The following RGS22 variants were observed in gnomAD, a reference collection of about 807,000 sequenced individuals.
RGS22 encodes the protein regulator of G-protein signaling 22.
RGS22 carries 148 observed loss-of-function variants against 172.9 expected under a neutral mutation model. The observed-to-expected ratio is 0.86, with a 90% CI of 0.75 to 0.98. RGS22 has a LOEUF of 0.98. RGS22 is among the 50% of genes least tolerant of loss of function. The pLI, the probability that RGS22 is intolerant of heterozygous loss-of-function variation, is 0.00. For missense variants in RGS22, 1,347 were observed against 1,440.8 expected (o/e 0.93, Z 1.05); for synonymous variants, 458 against 480.2 (o/e 0.95, Z 0.60).
chr8:100,022,718 CA>C (rs1037078631), intron 14 of RGS22, among the ~76,000 whole-genome samples: 11 of 151,716 alleles, frequency 7.3e-5, no homozygotes, highest in African/African-American at 2.4e-4. Context: ...AATCAGTGAA[CA>C]AAAAAATTCA....
At chr8:100,027,687 T>C (rs909385001) in intron 14 of RGS22, among the ~76,000 whole-genome samples, 1 of 152,272 alleles carries the variant, frequency 6.6e-6, no homozygotes, top group East Asian at 1.9e-4. Context: ...TTCGCCATGT[T>C]AGCCAGGCTG....
At chr8:100,074,498 A>G (rs1433782441) in intron 4 of RGS22, among the ~76,000 whole-genome samples, 1 of 152,248 alleles carries the variant, frequency 6.6e-6, no homozygotes, top group Non-Finnish European at 1.5e-5. Flanking sequence ...CCAGAATGTC[A>G]TATAAATGGA....
chr8:100,022,889 G>A (rs1052045987), intron 14 of RGS22, among the ~76,000 whole-genome samples: 3 of 152,034 alleles, frequency 2.0e-5, no homozygotes, highest in Non-Finnish European at 4.4e-5. Flanking sequence ...CACCAAACCA[G>A]GCTAATTTTT....
intron 23 of RGS22, among the ~76,000 whole-genome samples, chr8:99,970,829 A>G (rs1282757139): frequency 6.6e-6 from 1 of 152,226 alleles, no homozygotes; most frequent in Non-Finnish European, 1.5e-5. Context: ...ATTCCTTCTG[A>G]AACTATTCCA....
At chr8:100,092,220 C>T (rs1812637109) in intron 3 of RGS22, among the ~76,000 whole-genome samples, 1 of 151,934 alleles carries the variant, frequency 6.6e-6, no homozygotes, top group South Asian at 2.1e-4. Context: ...TCAAATTTTC[C>T]CTGGAAAACA....
intron 3 of RGS22, among the ~76,000 whole-genome samples, chr8:100,081,024 T>C (rs1460931): frequency 0.61 from 92,319 of 151,898 alleles, 28,205 homozygotes; most frequent in Admixed American, 0.66. Flanking sequence ...CACTGAACAT[T>C]TTTGGGGCCT....
At position 100,056,458 on chromosome 8, in the gene RGS22, C is replaced by T. The variant is rs150599351; in HGVS notation, c.1515-3482G>A. ...CTCCAGGGCATGTCAGAGACCTTCA[C>T]GGCAGCCCCTCCCATCATAGGCCTG... On this transcript the variant is annotated intron_variant, in intron 9 of 27. Coordinates refer to ENST00000360863, the MANE Select transcript of RGS22 (RefSeq NM_015668.5). 5.3e-5 allele frequency among the ~76,000 whole-genome samples: 8 copies of T among 152,302 alleles called. No individual in the cohort carries two copies. In the South Asian group the frequency reaches 1.0e-3, roughly 20 times the overall value.
At chr8:100,005,935 C>CA in intron 16 of RGS22, 82 bp downstream of exon 16, 1 of 936,082 alleles carries the variant, frequency 1.1e-6, no homozygotes, top group Non-Finnish European at 1.7e-6. Context: ...CGTCACTCTA[C>CA]AATCTCCCCC....
intron 2 of RGS22, among the ~76,000 whole-genome samples, chr8:100,099,960 T>C (rs1813331448): frequency 6.6e-6 from 1 of 152,218 alleles, no homozygotes; most frequent in Non-Finnish European, 1.5e-5. Flanking sequence ...CAATTATGTG[T>C]AATTTAACAT....
chr8:100,002,426 C>T (rs887820657), intron 17 of RGS22, 62 bp from the exon 18 acceptor site: 5 of 1,487,090 alleles, frequency 3.4e-6, no homozygotes, highest in Non-Finnish European at 4.5e-6. Flanking sequence ...TTCTAGTAAA[C>T]ACCCGATTGT....
At chr8:100,047,692 T>C in intron 10 of RGS22, 96 bp from the exon 11 acceptor site, 2 of 1,133,784 alleles carry the variant, frequency 1.8e-6, no homozygotes, top group Non-Finnish European at 2.3e-6. Flanking sequence ...TCGAGTACTT[T>C]TTCTTTCCCT....
At chr8:100,049,676 C>T (rs532541706) in intron 10 of RGS22, among the ~76,000 whole-genome samples, 77 of 152,246 alleles carry the variant, frequency 5.1e-4, no homozygotes, top group African/African-American at 1.8e-3. Flanking sequence ...AGGAAACATT[C>T]GTGCACTAAA....
rs754175544 is a variant in RGS22 at position 99,962,966 on chromosome 8, A to G, written c.3628T>C (p.Tyr1210His). 17 of 1,569,816 alleles carry G rather than the reference A, an allele frequency of 1.1e-5. No homozygotes were observed. In the Admixed American group the frequency reaches 2.1e-4, roughly 20 times the overall value. The change falls in exon 25 of 28, where the codon TAC becomes CAC. Residue 1210 changes from tyrosine to histidine, a missense_variant. Physicochemically the swap from Tyr to His is moderately conservative, Grantham distance 83 (BLOSUM62 2). Coordinates refer to ENST00000360863, the MANE Select transcript of RGS22 (RefSeq NM_015668.5). ...TCTAAGGCTTCTATATACTTTGAGT[A>G]GCACCAGGTTGGCTAAAAAAAGCAA... ...QPYGRQPTWC[Y>H]SKYIEALEQE...
At chr8:99,981,296 T>C (rs1563571004) in intron 22 of RGS22, among the ~76,000 whole-genome samples, 1 of 152,192 alleles carries the variant, frequency 6.6e-6, no homozygotes, top group African/African-American at 2.4e-5. Flanking sequence ...TTTGTATACT[T>C]TATGTTGGTA....
intron 11 of RGS22, among the ~76,000 whole-genome samples, chr8:100,045,269 A>C (rs1231897369): frequency 6.6e-6 from 1 of 152,100 alleles, no homozygotes; most frequent in Non-Finnish European, 1.5e-5. Context: ...AAAAACAAAA[A>C]AGAAAAAAAA....
chr8:100,047,714 A>G, intron 10 of RGS22, 118 bp from the exon 11 acceptor site: 2 of 824,136 alleles, frequency 2.4e-6, no homozygotes, highest in Non-Finnish European at 3.4e-6. Context: ...TGCCTCCTAC[A>G]ATGCTTCCCA....
chr8:100,053,533 C>G (rs1316520033), intron 9 of RGS22, among the ~76,000 whole-genome samples: 1 of 152,124 alleles, frequency 6.6e-6, no homozygotes, highest in Non-Finnish European at 1.5e-5. Flanking sequence ...AAACAACTTA[C>G]AGTTTCTAGT....
intron 26 of RGS22, 52 bp downstream of exon 26, chr8:99,962,635 A>C: frequency 6.5e-7 from 1 of 1,545,558 alleles, no homozygotes; most frequent in Non-Finnish European, 8.8e-7. Flanking sequence ...GAGAGGCAAA[A>C]CTCCATCAAA....
intron 4 of RGS22, among the ~76,000 whole-genome samples, chr8:100,076,676 AC>A (rs1337069550): frequency 1.3e-5 from 2 of 152,280 alleles, no homozygotes; most frequent in South Asian, 4.1e-4. Context: ...CCCTTCAGTG[AC>A]CATTGATAAT....
Sources: allele counts gnomAD v4.1 joint callset (sites outside exome capture counted in the v4.1 genomes callset), GRCh38; gene constraint gnomAD v4.1.1; transcripts MANE v1.5; gene names NCBI Gene and HGNC (gene_info 2026-07-23, HGNC 2026-07-21).